DUOX2: variants seen among roughly 807,000 people sequenced by gnomAD.
The protein encoded by DUOX2 is dual oxidase 2.
Under a neutral mutation model 183.3 loss-of-function variants are expected in DUOX2, and 185 were observed. That is an observed-to-expected ratio of 1.01 (90% CI 0.90 to 1.14). The LOEUF (loss-of-function observed/expected upper bound fraction) is 1.14, where lower values mean the gene tolerates loss of function less well. DUOX2 is among the 50% of genes most tolerant of loss of function. DUOX2 has a pLI of 0.00. For synonymous variants in DUOX2, 788 were observed against 812.4 expected, an observed-to-expected ratio of 0.97 and a Z score of 0.51; for missense variants, 1,999 against 2,022.9, an observed-to-expected ratio of 0.99 and a Z score of 0.23.
At position 45,110,534 on chromosome 15, in the gene DUOX2, G is replaced by A. The variant is rs756654827; in HGVS notation, c.944-10C>T. ...AGGAAAGGACGGTATCCTGCAGGAA[G>A]GAGACGGTGATGATGGGGAGACAGG... On this transcript the variant is annotated splice_polypyrimidine_tract_variant and intron_variant, in intron 8 of 33. Coordinates refer to ENST00000389039, the MANE Select transcript of DUOX2 (RefSeq NM_001363711.2). The A allele has an allele frequency of 4.6e-5, 75 of 1,614,040 alleles. No homozygotes were observed. Among genetic ancestry groups the A allele is most frequent in the African/African-American group, 6.7e-5 (5 of 74,920 alleles).
At chr15:45,113,513 G>C in intron 1 of DUOX2, 88 bp from the exon 2 acceptor site, 1 of 1,031,478 alleles carries the variant, frequency 9.7e-7, no homozygotes, top group Non-Finnish European at 1.5e-6. Context: ...CCTACAGCTA[G>C]TACTGGAGGA....
At chr15:45,099,246 G>A (rs1401985130) in intron 26 of DUOX2, 137 bp downstream of exon 26, 27 of 684,194 alleles carry the variant, frequency 3.9e-5, no homozygotes, top group Admixed American at 1.7e-4. Flanking sequence ...TCCTGACCTC[G>A]TGATCCGCCC....
At chr15:45,094,732 C>T in intron 32 of DUOX2, 41 bp from the exon 33 acceptor site, 8 of 1,612,044 alleles carry the variant, frequency 5.0e-6, no homozygotes, top group Non-Finnish European at 6.8e-6. Context: ...ACAGTCAGGG[C>T]CAGCACTCAG....
In DUOX2 at chr15:45,110,704, C is replaced by T. The variant is rs755241413; in HGVS notation, c.889G>A (p.Ala297Thr). Residue 297 changes from alanine to threonine, a missense_variant, in exon 8 of 34, where the codon GCT becomes ACT. Physicochemically the swap from Ala to Thr is moderately conservative, Grantham distance 58. Around this residue, in one of 3 missense-constraint regions of DUOX2, gnomAD observed 1,628 missense variants for 1,608.6 expected, o/e 1.01. Transcript: ENST00000389039. ...KRVIATYQNIAVYEWLPSFLQ... is the reference protein window; with the variant it reads ...KRVIATYQNITVYEWLPSFLQ... ...AAGCTGGGCAGCCACTCATACACAG[C>T]GATGTTCTGAGGGGCAGAGAGGGGC... 2 of 1,612,200 alleles carry T rather than the reference C, an allele frequency of 1.2e-6. No homozygotes were observed. The highest frequency in any genetic ancestry group is 1.3e-5 in the African/African-American group (1 of 74,936).
Position 45,099,501 on chromosome 15 carries a change from G to C in DUOX2, c.3416-19C>G. On this transcript the variant is annotated intron_variant, in intron 25 of 33. Transcript: ENST00000389039. ...TGCAAAACTGGAAGAGACAGACCCT[G>C]TTAGAGATGCCAACCAGGACAGACT... 3 of 1,611,990 alleles carry C rather than the reference G, an allele frequency of 1.9e-6. No individual in the cohort carries two copies. Among genetic ancestry groups the C allele is most frequent in the Non-Finnish European group, 2.5e-6 (3 of 1,178,620 alleles).
intron 1 of DUOX2, 112 bp from the exon 2 acceptor site, chr15:45,113,537 T>C (rs1423368418): frequency 1.2e-6 from 1 of 838,072 alleles, no homozygotes; most frequent in Non-Finnish European, 1.9e-6. Context: ...GCACCAGCTG[T>C]TTCCACTTCT....
chr15:45,109,672 G>C (rs770702339), intron 10 of DUOX2, 46 bp from the exon 11 acceptor site: 5 of 1,596,794 alleles, frequency 3.1e-6, no homozygotes, highest in Non-Finnish European at 3.4e-6. Flanking sequence ...CCCAAAACTC[G>C]GTCTCTCTCA....
In DUOX2 at chr15:45,096,158, G is replaced by C. The variant is rs897479683; in HGVS notation, c.3848-98C>G. 3 of 1,062,948 alleles carry C rather than the reference G, an allele frequency of 2.8e-6. No homozygotes were observed. In the African/African-American group the frequency reaches 4.7e-5, roughly 17 times the overall value. The allele number at this position is 1,062,948 out of a possible 1,614,324, so 65.8% of individuals were successfully genotyped here. On this transcript the variant is annotated intron_variant, in intron 29 of 33. Coordinates refer to ENST00000389039, the MANE Select transcript of DUOX2 (RefSeq NM_001363711.2). Reference sequence around the variant, plus strand: ...GTCCTCTTCACACCCCTGAGGCCTGGGGAGTAGTCACATGGTCTGAGCAAG... The same window carrying C: ...GTCCTCTTCACACCCCTGAGGCCTGCGGAGTAGTCACATGGTCTGAGCAAG...
intron 29 of DUOX2, 96 bp downstream of exon 29, chr15:45,097,142 G>C (rs1893924576): frequency 6.4e-7 from 1 of 1,563,948 alleles, no homozygotes. Context: ...CAGAGTCAGA[G>C]GCAGTGATGG....
chr15:45,103,809 T>C (rs1595523467), intron 20 of DUOX2, 151 bp downstream of exon 20: 1 of 796,914 alleles, frequency 1.3e-6, no homozygotes, highest in Non-Finnish European at 2.1e-6. Context: ...TATTTGAAGG[T>C]GGATGCTCTG....
chr15:45,108,920 T>C lies in DUOX2; in HGVS notation c.1267A>G (p.Thr423Ala), dbSNP rs941489424. 1 of 1,614,240 alleles carries C rather than the reference T, an allele frequency of 6.2e-7. No homozygotes were observed. The highest frequency in any genetic ancestry group is 8.5e-7 in the Non-Finnish European group (1 of 1,180,048). The part of the protein sequence containing the change: ...YWPGPGKFSR[T>A]DYVASSIQRG... ...TGGATGCTGCTGGCCACATAGTCTGTACGGGAGAATTTGCCAGGGCCAGGC... is the reference window on the plus strand; with the variant it reads ...TGGATGCTGCTGGCCACATAGTCTGCACGGGAGAATTTGCCAGGGCCAGGC... Residue 423 changes from threonine to alanine, a missense_variant, in exon 12 of 34, where the codon ACA becomes GCA. Physicochemically the swap from Thr to Ala is moderately conservative, Grantham distance 58 (BLOSUM62 0). Coordinates refer to ENST00000389039, the MANE Select transcript of DUOX2 (RefSeq NM_001363711.2).
At chr15:45,112,802 C>T in intron 3 of DUOX2, 84 bp from the exon 4 acceptor site, 1 of 1,592,090 alleles carries the variant, frequency 6.3e-7, no homozygotes, top group Admixed American at 1.7e-5. Context: ...CCCTCAACCC[C>T]CATCCCACTT....
chr15:45,099,130 C>T, intron 26 of DUOX2: 1 of 400,410 alleles, frequency 2.5e-6, no homozygotes, highest in Non-Finnish European at 4.8e-6. Context: ...CCTGCCTCAG[C>T]CTCCCGAGTA....
Position 45,095,918 on chromosome 15 carries a change from G to A in DUOX2, c.3990C>T (p.Ser1330=). The change falls in exon 30 of 34, where the codon AGC becomes AGT. Residue 1330 remains serine (S), a synonymous_variant. Transcript: ENST00000389039. The part of the protein sequence containing the change: ...LTSAPHEDTL[S]LHIRAVGPWT... ...AGGGCCCCACTGCCCGGATGTGCAG[G>A]CTGAGTGTGTCCTCATGGGGCGCGG... 1 of 1,614,018 alleles carries A rather than the reference G, an allele frequency of 6.2e-7. No individual in the cohort carries two copies. The highest frequency in any genetic ancestry group is 1.1e-5 in the South Asian group (1 of 91,058).
intron 20 of DUOX2, among the ~76,000 whole-genome samples, chr15:45,103,727 A>G (rs1894141122): frequency 6.6e-6 from 1 of 151,322 alleles, no homozygotes; most frequent in African/African-American, 2.4e-5. Context: ...TTTTTTAACT[A>G]GGGAGGCTTT....
intron 12 of DUOX2, 126 bp downstream of exon 12, chr15:45,108,663 G>C: frequency 8.7e-7 from 1 of 1,144,384 alleles, no homozygotes; most frequent in Non-Finnish European, 1.3e-6. Context: ...GTAAAATGGG[G>C]AAAATGATTA....
At chr15:45,106,797 G>A in intron 15 of DUOX2, 35 bp downstream of exon 15, 1 of 1,598,394 alleles carries the variant, frequency 6.3e-7, no homozygotes, top group Non-Finnish European at 8.5e-7. Context: ...ATGAGGGGCA[G>A]GGCCAGTCTG....
intron 26 of DUOX2, chr15:45,099,167 C>T (rs1282270675): frequency 3.2e-5 from 14 of 439,902 alleles, no homozygotes; most frequent in South Asian, 6.1e-5. Flanking sequence ...CCCACCACCA[C>T]GCCCGGCTAA....
rs1336978126 is a variant in DUOX2, at chr15:45,100,557, C to T, written c.3005+198G>A. 19 of 656,356 alleles carry T rather than the reference C, an allele frequency of 2.9e-5. No individual in the cohort carries two copies. The East Asian group carries it at 4.6e-4, about 16-fold the overall frequency. 40.7% of individuals were successfully genotyped at this position (656,356 alleles called of 1,614,324 possible). ...TACTATCATCCTGTTGAGCCAGGAC[C>T]CTTGCCTGAAGAATGGGGTGCAGAG... is the stretch of plus-strand genomic sequence containing the variant. On this transcript the variant is annotated intron_variant, in intron 23 of 33. Coordinates refer to ENST00000389039, the MANE Select transcript of DUOX2 (RefSeq NM_001363711.2).
Sources: gnomAD v4.1 joint callset for allele counts (sites outside exome capture counted in the v4.1 genomes callset) on GRCh38, gnomAD v4.1.1 for gene constraint, gnomAD v4.1.1 regional missense constraint, MANE v1.5 for transcripts, NCBI Gene and HGNC (gene_info 2026-07-23, HGNC 2026-07-21) for gene names.